The following STARD13 variants were observed in gnomAD, a reference collection of about 807,000 sequenced individuals.
The protein encoded by STARD13 is stAR-related lipid transfer protein 13.
STARD13 carries 62 observed loss-of-function variants against 106.4 expected under a neutral mutation model. The ratio of observed to expected loss-of-function variants is 0.58; its 90% CI spans 0.48 to 0.72. The LOEUF (loss-of-function observed/expected upper bound fraction) is 0.72, where lower values mean the gene tolerates loss of function less well. Among genes scored for constraint, STARD13 ranks in the 30% least tolerant of loss-of-function variants. The pLI is 0.00. For missense variants in STARD13, 1,387 were observed against 1,424.0 expected (o/e 0.97, Z 0.42); for synonymous variants, 565 against 553.0 (o/e 1.02, Z -0.31).
chr13:33,178,974 A>T (rs1884975806), intron 1 of STARD13, among the ~76,000 whole-genome samples: 1 of 152,230 alleles, frequency 6.6e-6, no homozygotes, highest in South Asian at 2.1e-4. Context: ...TTACCAAAAG[A>T]GCAACTCTTT....
chr13:33,500,513 A>G, the STARD13 span, among the ~76,000 whole-genome samples: 68 of 152,266 alleles, frequency 4.5e-4, no homozygotes, highest in African/African-American at 9.1e-4. Context: ...CTTTTTTAAT[A>G]ATCAGCCTTA....
At chr13:33,516,616 G>A in the STARD13 span, among the ~76,000 whole-genome samples, 1 of 151,854 alleles carries the variant, frequency 6.6e-6, no homozygotes, top group East Asian at 1.9e-4. Context: ...ATAACAAATG[G>A]CTTTGGTCAT....
chr13:33,454,359 A>C, the STARD13 span, among the ~76,000 whole-genome samples: 1 of 152,180 alleles, frequency 6.6e-6, no homozygotes, highest in Non-Finnish European at 1.5e-5. Context: ...CATCCATTGC[A>C]GTCTGGAGGC....
At chr13:33,448,026 C>A in the STARD13 span, among the ~76,000 whole-genome samples, 1 of 151,972 alleles carries the variant, frequency 6.6e-6, no homozygotes, top group African/African-American at 2.4e-5. Flanking sequence ...AAATTGAGTT[C>A]TTCTTTAAAC....
the STARD13 span, among the ~76,000 whole-genome samples, chr13:33,545,400 G>A: frequency 6.6e-6 from 1 of 152,174 alleles, no homozygotes; most frequent in Non-Finnish European, 1.5e-5. Flanking sequence ...TGGCCCGAAA[G>A]GTGAATGTTC....
At chr13:33,176,819 A>G (rs1884565741) in intron 1 of STARD13, among the ~76,000 whole-genome samples, 2 of 152,216 alleles carry the variant, frequency 1.3e-5, no homozygotes, top group South Asian at 4.1e-4. Flanking sequence ...TCCCATAAAC[A>G]TGCCACAAAT....
chr13:33,291,138 A>T (rs909861956), intron 1 of STARD13, among the ~76,000 whole-genome samples: 2 of 152,256 alleles, frequency 1.3e-5, no homozygotes, highest in Admixed American at 1.3e-4. Flanking sequence ...CTCTACCTGC[A>T]TATACAGAGT....
the STARD13 span, among the ~76,000 whole-genome samples, chr13:33,384,577 A>G: frequency 6.6e-6 from 1 of 152,270 alleles, no homozygotes; most frequent in African/African-American, 2.4e-5. Context: ...GAAGTAGAGT[A>G]GTACAACAGT....
chr13:33,457,901 T>C, the STARD13 span, among the ~76,000 whole-genome samples: 8 of 152,144 alleles, frequency 5.3e-5, no homozygotes, highest in African/African-American at 1.9e-4. Context: ...TATATAGCAG[T>C]AACTCCTTAA....
At chr13:33,336,985 T>C (rs903056811) in intron 1 of STARD13, among the ~76,000 whole-genome samples, 22 of 152,120 alleles carry the variant, frequency 1.4e-4, no homozygotes, top group African/African-American at 4.8e-4. Context: ...CATTAAATAA[T>C]AATTTTTAAA....
rs181345726 is a variant in STARD13, at chr13:33,209,584, C to T, written c.170-41962G>A. 2.8e-4 allele frequency among the ~76,000 whole-genome samples: 43 copies of T among 152,148 alleles called. 1 individual carries two copies. The East Asian group carries it at 7.7e-3, about 27-fold the overall frequency. ...CAACAATTAGGACAGATCTGCTGGT[C>T]GTCAGTCCTGCCATCCTTAAGTGAG... On this transcript the variant is annotated intron_variant, in intron 1 of 13. Coordinates refer to ENST00000336934, the MANE Select transcript of STARD13 (RefSeq NM_178006.4).
chr13:33,412,593 T>C, the STARD13 span, among the ~76,000 whole-genome samples: 1 of 152,082 alleles, frequency 6.6e-6, no homozygotes, highest in African/African-American at 2.4e-5. Flanking sequence ...ACTTCAAATA[T>C]AACGATACAG....
chr13:33,634,928 T>C, the STARD13 span, among the ~76,000 whole-genome samples: 24 of 152,188 alleles, frequency 1.6e-4, no homozygotes, highest in Admixed American at 2.0e-4. Flanking sequence ...CCCCTGCAGA[T>C]GCCTGGCAGT....
At chr13:33,560,013 G>A in the STARD13 span, among the ~76,000 whole-genome samples, 2 of 151,576 alleles carry the variant, frequency 1.3e-5, no homozygotes, top group East Asian at 1.9e-4. Context: ...ATATATGCCT[G>A]TTATTTAAGC....
At chr13:33,449,336 C>T in the STARD13 span, among the ~76,000 whole-genome samples, 5 of 152,190 alleles carry the variant, frequency 3.3e-5, no homozygotes, top group South Asian at 1.0e-3. Flanking sequence ...ACCAGTTTTC[C>T]TAACACTATT....
chr13:33,471,675 T>G, the STARD13 span, among the ~76,000 whole-genome samples: 1 of 150,128 alleles, frequency 6.7e-6, no homozygotes, highest in Non-Finnish European at 1.5e-5. Flanking sequence ...AAAAGTCACA[T>G]GGCCAACTGA....
the STARD13 span, among the ~76,000 whole-genome samples, chr13:33,359,262 C>T: frequency 6.6e-6 from 1 of 152,062 alleles, no homozygotes; most frequent in Non-Finnish European, 1.5e-5. Context: ...CTCCTGAGCC[C>T]AGCGAGACCA....
upstream of STARD13, among the ~76,000 whole-genome samples, chr13:33,353,490 G>A (rs779596441): frequency 2.0e-5 from 3 of 152,192 alleles, no homozygotes; most frequent in South Asian, 6.2e-4. Flanking sequence ...GCCTCACATG[G>A]TCCTTCTTAA....
chr13:33,308,376 A>T lies in STARD13; in HGVS notation c.124+41914T>A, dbSNP rs534647846. On this transcript the variant is annotated intron_variant, in intron 1 of 5. Transcript: ENST00000567873. ...AGTATAGGGTTTATAGTATATATAT[A>T]TTTTTTAAGTGTTAGAAAAGCATCT... Among the ~76,000 whole-genome samples, 372 of 152,194 alleles carry T rather than the reference A, an allele frequency of 2.4e-3. 1 individual carries two copies. The highest frequency in any genetic ancestry group is 8.4e-3 in the African/African-American group (350 of 41,546).
Sources: allele counts gnomAD v4.1 joint callset (sites outside exome capture counted in the v4.1 genomes callset), GRCh38; gene constraint gnomAD v4.1.1; transcripts MANE v1.5; gene names NCBI Gene and HGNC (gene_info 2026-07-23, HGNC 2026-07-21).